The following ARMH4 variants were observed in gnomAD, a reference collection of about 807,000 sequenced individuals.
The protein encoded by ARMH4 is armadillo-like helical domain-containing protein 4.
Under a neutral mutation model 61.9 loss-of-function variants are expected in ARMH4, and 49 were observed. The ratio of observed to expected loss-of-function variants is 0.79; its 90% CI spans 0.63 to 1.00. The LOEUF is 1.00. Among genes scored for constraint, ARMH4 ranks in the 50% least tolerant of loss-of-function variants. The probability of loss-of-function intolerance (pLI) is 0.00; values close to 1 mark genes in which losing one functional copy is unlikely to be tolerated. For synonymous variants in ARMH4, 368 were observed against 341.5 expected (o/e 1.08, Z -0.85); for missense variants, 934 against 930.0 (o/e 1.00, Z -0.06).
intron 4 of ARMH4, among the ~76,000 whole-genome samples, chr14:58,128,130 T>C (rs1324250829): frequency 1.3e-5 from 2 of 152,210 alleles, no homozygotes; most frequent in Admixed American, 1.3e-4. Context: ...TAAGCAGATA[T>C]CTTCAGACAG....
intron 4 of ARMH4, among the ~76,000 whole-genome samples, chr14:58,130,383 A>G (rs1887051008): frequency 6.6e-6 from 1 of 151,962 alleles, no homozygotes; most frequent in Admixed American, 6.6e-5. Flanking sequence ...CTGCAAACCT[A>G]GCTCAACCTC....
intron 4 of ARMH4, among the ~76,000 whole-genome samples, chr14:58,100,806 T>A (rs1300223320): frequency 6.6e-6 from 1 of 152,032 alleles, no homozygotes; most frequent in Non-Finnish European, 1.5e-5. Context: ...TAGCAGGGAC[T>A]CCTGGCCATC....
chr14:58,026,505 A>C (rs1195476845), intron 5 of ARMH4, among the ~76,000 whole-genome samples: 1 of 152,142 alleles, frequency 6.6e-6, no homozygotes, highest in Non-Finnish European at 1.5e-5. Context: ...CCTGATCTTC[A>C]ATTCATTGGT....
intron 5 of ARMH4, among the ~76,000 whole-genome samples, chr14:58,028,368 G>A (rs1332571405): frequency 6.6e-6 from 1 of 152,154 alleles, no homozygotes; most frequent in African/African-American, 2.4e-5. Flanking sequence ...TCACCCACCT[G>A]GAACAGGGTT....
chr14:58,124,201 T>G (rs1594771196), intron 4 of ARMH4, among the ~76,000 whole-genome samples: 1 of 152,178 alleles, frequency 6.6e-6, no homozygotes, highest in East Asian at 1.9e-4. Flanking sequence ...GATGGACACC[T>G]GAAGCAGAAG....
chr14:58,005,073 T>G lies in ARMH4; in HGVS notation c.2231A>C (p.Asn744Thr), dbSNP rs1194086569. ...SIKVMNRRRR[N>T]GFKRHKRKQR... ...CTTTCTTTTATGCCTTTTGAAGCCA[T>G]TTCTCCTTCGGCGATTCATAACCTT... The change falls in exon 7 of 8, where the codon AAT becomes ACT. Residue 744 changes from asparagine to threonine, a missense_variant. Physicochemically the swap from Asn to Thr is moderately conservative, Grantham distance 65. Coordinates refer to ENST00000267485, the MANE Select transcript of ARMH4 (RefSeq NM_001001872.4). The G allele has an allele frequency of 6.2e-7, 1 of 1,614,054 alleles. No homozygotes were observed. The highest frequency in any genetic ancestry group is 8.5e-7 in the Non-Finnish European group (1 of 1,179,934).
At chr14:58,005,595 T>A (rs1882139510) in intron 6 of ARMH4, among the ~76,000 whole-genome samples, 1 of 152,178 alleles carries the variant, frequency 6.6e-6, no homozygotes, top group East Asian at 1.9e-4. Context: ...GGTCAAAGTG[T>A]CCTCTGGAAT....
At chr14:58,011,370 A>G (rs1230177344) in intron 6 of ARMH4, among the ~76,000 whole-genome samples, 1 of 152,176 alleles carries the variant, frequency 6.6e-6, no homozygotes, top group Non-Finnish European at 1.5e-5. Context: ...CAACAGAAAT[A>G]TATTGAGACT....
At chr14:58,048,085 G>A (rs1215856514) in intron 5 of ARMH4, among the ~76,000 whole-genome samples, 1 of 152,120 alleles carries the variant, frequency 6.6e-6, no homozygotes, top group African/African-American at 2.4e-5. Context: ...GTGGAATCCT[G>A]CAAAAAGGAA....
chr14:58,102,793 G>A lies in ARMH4; in HGVS notation c.1832-5812C>T, dbSNP rs572448403. Among the ~76,000 whole-genome samples, 77 of 140,112 alleles carry A rather than the reference G, an allele frequency of 5.5e-4. 1 individual carries two copies. The highest frequency in any genetic ancestry group is 8.1e-4 in the Non-Finnish European group (53 of 65,156). The allele number at this position is 140,112 out of a possible 152,430, so 91.9% of individuals were successfully genotyped here. A position where few individuals can be genotyped will look rare whatever the true frequency, so the allele number is the denominator to read the frequency against. ...GCCACTGCAGTCCGCAGTCCGGCCTGGGCGACAGAGCGAGACTCCGTCTCA... is the reference window on the plus strand; with the variant it reads ...GCCACTGCAGTCCGCAGTCCGGCCTAGGCGACAGAGCGAGACTCCGTCTCA... On this transcript the variant is annotated intron_variant, in intron 4 of 7. Transcript: ENST00000267485.
intron 5 of ARMH4, among the ~76,000 whole-genome samples, chr14:58,021,754 C>T (rs924589240): frequency 2.0e-5 from 3 of 152,150 alleles, no homozygotes; most frequent in Non-Finnish European, 4.4e-5. Context: ...GTCAGAGAGG[C>T]TCAGAAACCT....
intron 5 of ARMH4, among the ~76,000 whole-genome samples, chr14:58,042,875 C>G (rs952240565): frequency 6.6e-6 from 1 of 152,176 alleles, no homozygotes; most frequent in African/African-American, 2.4e-5. Flanking sequence ...GACACATACA[C>G]TCTCCCAAGA....
chr14:58,049,748 G>T (rs1168041922), intron 5 of ARMH4, among the ~76,000 whole-genome samples: 1 of 152,122 alleles, frequency 6.6e-6, no homozygotes, highest in Non-Finnish European at 1.5e-5. Flanking sequence ...CATTAATTAG[G>T]GAGAACTTTT....
At chr14:58,091,842 A>G (rs1315670792) in intron 5 of ARMH4, among the ~76,000 whole-genome samples, 2 of 152,152 alleles carry the variant, frequency 1.3e-5, no homozygotes, top group Non-Finnish European at 2.9e-5. Flanking sequence ...ATACACCTCA[A>G]TCAAAACATG....
intron 5 of ARMH4, among the ~76,000 whole-genome samples, chr14:58,058,150 T>G (rs564132998): frequency 5.2e-4 from 79 of 152,338 alleles, no homozygotes; most frequent in African/African-American, 1.8e-3. Flanking sequence ...CTGAGGATGT[T>G]CAAGGTAATG....
Position 58,142,961 on chromosome 14 carries a change from T to TACC in ARMH4, c.-56-3550_-56-3548dup, listed in dbSNP as rs575455109. ...TTTAGAGCTAAGGCTTCCTGCCAAC[T>TACC]ACCACCACCACATGAGTGTACCATC... On this transcript the variant is annotated intron_variant, in intron 1 of 7. Transcript: ENST00000267485. Among the ~76,000 whole-genome samples the TACC allele has an allele frequency of 4.2e-3, 634 of 152,244 alleles. 6 individuals are homozygous for TACC. The highest frequency in any genetic ancestry group is 0.015 in the South Asian group (74 of 4,820).
intron 5 of ARMH4, among the ~76,000 whole-genome samples, chr14:58,022,825 T>C (rs992289472): frequency 6.6e-6 from 1 of 152,176 alleles, no homozygotes; most frequent in Non-Finnish European, 1.5e-5. Context: ...CTTGGAGATA[T>C]TGTAGGTTCA....
At chr14:58,145,343 C>G (rs145456739) in intron 1 of ARMH4, among the ~76,000 whole-genome samples, 1 of 152,184 alleles carries the variant, frequency 6.6e-6, no homozygotes, top group African/African-American at 2.4e-5. Flanking sequence ...TGATTTTATT[C>G]TCATACCTCA....
rs1454005969 is a variant in ARMH4, at chr14:58,096,857, C to T, written c.1956G>A (p.Glu652=). ...TACCAGGGAGGGTAAAACCTGGCAG[C>T]TCAGTGTCACCATCCAAGCCCTCAT... The part of the protein sequence containing the change: ...SLDEGLDGDT[E]LPGFTLPGIT... The change falls in exon 5 of 8, where the codon GAG becomes GAA. Residue 652 remains glutamate (E), a synonymous_variant. Transcript: ENST00000267485. 1 of 1,614,122 alleles carries T rather than the reference C, an allele frequency of 6.2e-7. No individual in the cohort carries two copies. The highest frequency in any genetic ancestry group is 1.7e-5 in the Admixed American group (1 of 60,016).
Sources: gnomAD v4.1 joint callset for allele counts (sites outside exome capture counted in the v4.1 genomes callset) on GRCh38, gnomAD v4.1.1 for gene constraint, MANE v1.5 for transcripts, NCBI Gene and HGNC (gene_info 2026-07-23, HGNC 2026-07-21) for gene names.